The following FLOT2 variants were observed in gnomAD, a reference collection of about 807,000 sequenced individuals.
FLOT2 encodes flotillin-2.
In FLOT2, 35 loss-of-function variants were observed where a neutral mutation model predicts 54.9. The ratio of observed to expected loss-of-function variants is 0.64; its 90% CI spans 0.49 to 0.84. The LOEUF (loss-of-function observed/expected upper bound fraction) is 0.84. Among genes scored for constraint, FLOT2 ranks in the 40% least tolerant of loss-of-function variants. The probability of loss-of-function intolerance (pLI) is 0.00; values close to 1 mark genes in which losing one functional copy is unlikely to be tolerated. For missense variants in FLOT2, 464 were observed against 572.1 expected (o/e 0.81, Z 1.93); for synonymous variants, 207 against 228.9 (o/e 0.90, Z 0.86).
chr17:28,893,162 G>A (rs2039681750), intron 1 of FLOT2: 1 of 152,206 alleles, frequency 6.6e-6, no homozygotes, highest in South Asian at 2.1e-4. Context: ...CCTCCCAAGA[G>A]GCCAGTTAGG....
chr17:28,879,439 G>A lies in FLOT2; in HGVS notation c.*1122C>T, dbSNP rs542771887. On this transcript the variant is annotated 3_prime_UTR_variant, in exon 11 of 11. Transcript: ENST00000394908. The stretch of plus-strand genomic sequence containing the variant: ...CATGCAGCATCCACATGCAGGAAGA[G>A]CTACACAGGCTGGGGCAGGGCCAGG... The A allele has an allele frequency of 2.0e-5, 20 of 988,064 alleles. No homozygotes were observed. In the East Asian group the frequency reaches 1.4e-3, roughly 67 times the overall value. The allele number at this position is 988,064 out of a possible 1,614,324, so 61.2% of individuals were successfully genotyped here.
Position 28,880,458 on chromosome 17 carries a change from AT to A in FLOT2, c.*102del, listed in dbSNP as rs1244226725. 5 of 1,540,756 alleles carry A rather than the reference AT, an allele frequency of 3.2e-6. No homozygotes were observed. The African/African-American group carries it at 6.9e-5, about 21-fold the overall frequency. On this transcript the variant is annotated 3_prime_UTR_variant, in exon 11 of 11. Coordinates refer to ENST00000394908, the MANE Select transcript of FLOT2 (RefSeq NM_004475.3). The stretch of plus-strand genomic sequence containing the variant: ...ACGCAGCACTTCTGGTCCCTTCGAG[AT>A]AAGGCACCAGAGTCAGTAACGTTCC...
chr17:28,890,888 G>GTTTTTTTTT, intron 1 of FLOT2, among the ~76,000 whole-genome samples: 1 of 146,652 alleles, frequency 6.8e-6, no homozygotes. Context: ...TTGAGACAGG[G>GTTTTTTTTT]TCTCATTCTG....
chr17:28,882,083 T>C lies in FLOT2; in HGVS notation c.699+35A>G, dbSNP rs764470164. The C allele has an allele frequency of 3.7e-6, 6 of 1,613,768 alleles. No homozygotes were observed. The African/African-American group carries it at 8.0e-5, about 22-fold the overall frequency. ...AGGCTGGTCACCAAGTCCTGATCCC[T>C]GAGCCCCATCCCAGGATGTCCTCAG... is the stretch of plus-strand genomic sequence containing the variant. On this transcript the variant is annotated intron_variant, in intron 7 of 10. Coordinates refer to ENST00000394908, the MANE Select transcript of FLOT2 (RefSeq NM_004475.3). The surrounding 1 kb of genome is among the most constrained non-coding windows in gnomAD (Gnocchi z 5.6).
Position 28,882,463 on chromosome 17 carries a change from G to T in FLOT2, c.466-13C>A. The T allele has an allele frequency of 6.2e-7, 1 of 1,611,580 alleles. No homozygotes were observed. ...TGTCATACACGTCCTGGGGAGGGAA[G>T]GGGGTATCAGAGGCTCAAAGGAGCA... On this transcript the variant is annotated splice_polypyrimidine_tract_variant and intron_variant, in intron 5 of 10. Transcript: ENST00000394908. The surrounding 1 kb of genome is among the most constrained non-coding windows in gnomAD (Gnocchi z 5.6).
rs1054032175 is a variant in FLOT2 at position 28,884,169 on chromosome 17, C to T, written c.222+56G>A. The T allele has an allele frequency of 3.7e-6, 5 of 1,339,466 alleles. No individual in the cohort carries two copies. The highest frequency in any genetic ancestry group is 5.4e-6 in the Non-Finnish European group (5 of 931,092). The allele number at this position is 1,339,466 out of a possible 1,614,324, so 83.0% of individuals were successfully genotyped here. A position where few individuals can be genotyped will look rare whatever the true frequency, so the allele number is the denominator to read the frequency against. On this transcript the variant is annotated intron_variant, in intron 3 of 10. Coordinates refer to ENST00000394908, the MANE Select transcript of FLOT2 (RefSeq NM_004475.3). This position sits in a 1 kb window ranked among gnomAD's most constrained non-coding sequence, Gnocchi z 5.1. ...TGTCCTCTCCTCCTCCCCCCGAACC[C>T]GAGTACGGGACCAGGCAGCTCAACG...
rs1436456953 is a variant in FLOT2, at chr17:28,881,924, A to C, written c.804T>G (p.Ile268Met). 1.2e-6 allele frequency: 2 copies of C among 1,613,960 alleles called. No homozygotes were observed. The highest frequency in any genetic ancestry group is 8.5e-7 in the Non-Finnish European group (1 of 1,180,032). ...GCAGGATCTCCTGTGCCTCCACGGC[A>C]ATCTGTTTCTTGCGCTGCACAACCT... ...EIEVVQRKKQ[I>M]AVEAQEILRT... is the part of the protein sequence containing the mutation. The change falls in exon 8 of 11, where the codon ATT (isoleucine) becomes ATG (methionine). Residue 268 changes from isoleucine to methionine, a missense_variant. By Grantham distance (10) the Ile-to-Met change is conservative. Transcript: ENST00000394908.
At chr17:28,886,998 A>G (rs934340769) in intron 2 of FLOT2, among the ~76,000 whole-genome samples, 1 of 150,304 alleles carries the variant, frequency 6.7e-6, no homozygotes, top group African/African-American at 2.5e-5. Flanking sequence ...CTGGGGAAGG[A>G]GAGAGGGAAA....
Position 28,897,070 on chromosome 17 carries a change from C to G in FLOT2, c.49+456G>C, listed in dbSNP as rs540845155. Among the ~76,000 whole-genome samples, 244 of 152,328 alleles carry G rather than the reference C, an allele frequency of 1.6e-3. 1 individual carries two copies. The highest frequency in any genetic ancestry group is 5.4e-3 in the African/African-American group (226 of 41,570). On this transcript the variant is annotated intron_variant, in intron 1 of 10. Coordinates refer to ENST00000394908, the MANE Select transcript of FLOT2 (RefSeq NM_004475.3). The surrounding 1 kb of genome is among the most constrained non-coding windows in gnomAD (Gnocchi z 4.4). ...TTGGAATTAACGGGTCTGACTGTGCCGAGAAACGACCTCTGTTTCAGGGCC... is the reference window on the plus strand; with the variant it reads ...TTGGAATTAACGGGTCTGACTGTGCGGAGAAACGACCTCTGTTTCAGGGCC...
At chr17:28,891,388 T>C (rs183717106) in intron 1 of FLOT2, among the ~76,000 whole-genome samples, 1 of 152,254 alleles carries the variant, frequency 6.6e-6, no homozygotes, top group Non-Finnish European at 1.5e-5. Context: ...CAAGAAGCTG[T>C]GTATGTGAGT....
chr17:28,880,968 C>T (rs2039437153), intron 9 of FLOT2, 106 bp from the exon 10 acceptor site: 1 of 1,397,274 alleles, frequency 7.2e-7, no homozygotes, highest in South Asian at 1.2e-5. Flanking sequence ...CCCAAAGCAG[C>T]CTGGGTGGCC....
At position 28,881,377 on chromosome 17, in the gene FLOT2, TG is replaced by T; in HGVS notation, c.915-3del. On this transcript the variant is annotated splice_polypyrimidine_tract_variant and splice_region_variant and intron_variant, in intron 8 of 10. Coordinates refer to ENST00000394908, the MANE Select transcript of FLOT2 (RefSeq NM_004475.3). ...TGTGCCAAGAGGACCTGCTTCACCC[TG>T]GGGGAGCCCAGGCCAGTTAGGATCA... The T allele has an allele frequency of 6.2e-7, 1 of 1,610,194 alleles. No individual in the cohort carries two copies.
chr17:28,880,278 G>A lies in FLOT2; in HGVS notation c.*283C>T. On this transcript the variant is annotated 3_prime_UTR_variant, in exon 11 of 11. Coordinates refer to ENST00000394908, the MANE Select transcript of FLOT2 (RefSeq NM_004475.3). ...ATCTTCAGCTTAATCTACATGATGT[G>A]CATGGGGGAAAGAAAAAGACAGACA... 7.5e-7 allele frequency: 1 copy of A among 1,338,658 alleles called. No individual in the cohort carries two copies. Among genetic ancestry groups the A allele is most frequent in the South Asian group, 1.8e-5 (1 of 55,532 alleles). The allele number at this position is 1,338,658 out of a possible 1,614,324, so 82.9% of individuals were successfully genotyped here. A position where few individuals can be genotyped will look rare whatever the true frequency, so the allele number is the denominator to read the frequency against.
In FLOT2 at chr17:28,880,027, C is replaced by T. The variant is rs1199571907; in HGVS notation, c.*534G>A. On this transcript the variant is annotated 3_prime_UTR_variant, in exon 11 of 11. Transcript: ENST00000394908. ...CCCTGCAGGTCATGGCTGCCCAGACCTAGAGGGGCAGCAGCAGGTGAGGCT... is the reference window on the plus strand; with the variant it reads ...CCCTGCAGGTCATGGCTGCCCAGACTTAGAGGGGCAGCAGCAGGTGAGGCT... The T allele has an allele frequency of 1.0e-6, 1 of 991,744 alleles. No individual in the cohort carries two copies. Among genetic ancestry groups the T allele is most frequent in the Non-Finnish European group, 1.2e-6 (1 of 834,150 alleles). The allele number at this position is 991,744 out of a possible 1,614,324, so 61.4% of individuals were successfully genotyped here.
At chr17:28,893,618 A>G (rs2039690157) in intron 1 of FLOT2, among the ~76,000 whole-genome samples, 2 of 152,156 alleles carry the variant, frequency 1.3e-5, no homozygotes, top group African/African-American at 4.8e-5. Context: ...AGACCCTCTC[A>G]TATTGTTTTA....
Position 28,879,437 on chromosome 17 carries a change from G to A in FLOT2, c.*1124C>T. 1 of 988,130 alleles carries A rather than the reference G, an allele frequency of 1.0e-6. No individual in the cohort carries two copies. The highest frequency in any genetic ancestry group is 1.2e-6 in the Non-Finnish European group (1 of 830,274). 61.2% of individuals were successfully genotyped at this position (988,130 alleles called of 1,614,324 possible). On this transcript the variant is annotated 3_prime_UTR_variant, in exon 11 of 11. Transcript: ENST00000394908. ...GACATGCAGCATCCACATGCAGGAA[G>A]AGCTACACAGGCTGGGGCAGGGCCA... is the stretch of plus-strand genomic sequence containing the variant.
Position 28,882,521 on chromosome 17 carries a change from C to A in FLOT2, c.465+52G>T. The A allele has an allele frequency of 6.3e-7, 1 of 1,581,534 alleles. No homozygotes were observed. The highest frequency in any genetic ancestry group is 1.1e-5 in the South Asian group (1 of 90,478). ...GCACAAAGGTGCCCCTCTAACAAAG[C>A]CACCATCTCCCAGATGGACGCCAGG... On this transcript the variant is annotated intron_variant, in intron 5 of 10. Transcript: ENST00000394908. This position sits in a 1 kb window ranked among gnomAD's most constrained non-coding sequence, Gnocchi z 5.6.
At chr17:28,888,758 C>T (rs888765871) in intron 2 of FLOT2, among the ~76,000 whole-genome samples, 187 bp downstream of exon 2, 7 of 152,164 alleles carry the variant, frequency 4.6e-5, no homozygotes, top group Non-Finnish European at 8.8e-5. Flanking sequence ...ATGTCTCCTG[C>T]ACCCCTGTGC....
chr17:28,880,736 G>C lies in FLOT2; in HGVS notation c.1225C>G (p.Leu409Val). Residue 409 changes from leucine to valine, a missense_variant, in exon 10 of 11, where the codon CTC becomes GTC. By Grantham distance (32) the Leu-to-Val change is conservative. Transcript: ENST00000394908. The stretch of plus-strand genomic sequence containing the variant: ...ACCTTAGACAGGTCCACGCCTGTGA[G>C]GGCATGCACAGAGGCAGGCAGCTCG... ...LAELPASVHALTGVDLSKIPL... is the reference protein window; with the variant it reads ...LAELPASVHAVTGVDLSKIPL... 1.2e-6 allele frequency: 2 copies of C among 1,614,244 alleles called. No individual in the cohort carries two copies. Among genetic ancestry groups the C allele is most frequent in the Non-Finnish European group, 1.7e-6 (2 of 1,180,042 alleles).
Sources: allele counts gnomAD v4.1 joint callset (sites outside exome capture counted in the v4.1 genomes callset), GRCh38; gene constraint gnomAD v4.1.1; non-coding constraint Gnocchi (gnomAD v3.1); transcripts MANE v1.5; gene names NCBI Gene and HGNC (gene_info 2026-07-23, HGNC 2026-07-21).